Variants in MTF2 observed in about 807,000 individuals in gnomAD.
MTF2 encodes metal response element binding transcription factor 2.
In MTF2, 11 loss-of-function variants were observed where a neutral mutation model predicts 79.5. That is an observed-to-expected ratio of 0.14 (90% CI 0.09 to 0.23). The LOEUF is 0.23. Ranked by LOEUF, MTF2 falls within the 10% of genes least tolerant of loss-of-function variation. The probability of loss-of-function intolerance (pLI) is 1.00; values close to 1 mark genes in which losing one functional copy is unlikely to be tolerated. For missense variants in MTF2, 486 were observed against 711.2 expected (o/e 0.68, Z 3.60); for synonymous variants, 208 against 232.8 (o/e 0.89, Z 0.97).
chr1:93,099,521 T>C (rs2101038703), intron 1 of MTF2, among the ~76,000 whole-genome samples: 1 of 152,264 alleles, frequency 6.6e-6, no homozygotes, highest in Middle Eastern at 3.4e-3. Flanking sequence ...GGTAGAGGAA[T>C]AGTATCAAAC....
intron 9 of MTF2, chr1:93,121,742 A>G (rs1023800232): frequency 1.1e-6 from 1 of 928,408 alleles, no homozygotes; most frequent in African/African-American, 1.8e-5. Flanking sequence ...TCTGTTAAAT[A>G]CTTTTTTTTT....
intron 4 of MTF2, 31 bp downstream of exon 4, chr1:93,114,814 A>G (rs1390558469): frequency 5.3e-6 from 8 of 1,503,244 alleles, no homozygotes; most frequent in Non-Finnish European, 7.3e-6. Context: ...ATCTTGTTAC[A>G]TACTGAATGA....
chr1:93,103,383 C>T (rs1655629546), intron 1 of MTF2, among the ~76,000 whole-genome samples: 2 of 151,548 alleles, frequency 1.3e-5, no homozygotes, highest in South Asian at 4.1e-4. Context: ...GGTTGGAAAG[C>T]AGTTTAGCAG....
chr1:93,115,354 A>G (rs1656208383), intron 5 of MTF2, 116 bp from the exon 6 acceptor site: 2 of 854,498 alleles, frequency 2.3e-6, no homozygotes, highest in South Asian at 4.8e-5. Flanking sequence ...AGTTTGTGAT[A>G]TGGTAAAAGT....
At chr1:93,081,173 A>C (rs540759397) in intron 1 of MTF2, among the ~76,000 whole-genome samples, 9 of 152,344 alleles carry the variant, frequency 5.9e-5, no homozygotes, top group African/African-American at 2.2e-4. Context: ...TACAGAAATC[A>C]TCTTGTTAAG....
Position 93,115,097 on chromosome 1 carries a change from T to A in MTF2, c.483+9T>A, listed in dbSNP as rs777305254. 1.3e-6 allele frequency: 2 copies of A among 1,573,138 alleles called. No individual in the cohort carries two copies. The highest frequency in any genetic ancestry group is 1.7e-6 in the Non-Finnish European group (2 of 1,145,044). On this transcript the variant is annotated intron_variant, in intron 5 of 14. Transcript: ENST00000370298. ...TTGCAACAACAACAAAGGTATATTT[T>A]AAGTGTTTTGGGCTAAAGCTCTGAT...
intron 6 of MTF2, among the ~76,000 whole-genome samples, chr1:93,116,149 C>T (rs1312055490): frequency 6.6e-6 from 1 of 152,194 alleles, no homozygotes; most frequent in Non-Finnish European, 1.5e-5. Flanking sequence ...CACTGAACTT[C>T]TGGGCTCAAG....
chr1:93,079,673 T>A, intron 1 of MTF2, 142 bp downstream of exon 1: 1 of 1,054,590 alleles, frequency 9.5e-7, no homozygotes, highest in Non-Finnish European at 1.4e-6. Flanking sequence ...GCCTTTGCAT[T>A]TATGTGTATA....
chr1:93,110,458 TTTTGCAGTA>T (rs756846792), intron 2 of MTF2, 30 bp downstream of exon 2: 1 of 1,611,188 alleles, frequency 6.2e-7, no homozygotes, highest in East Asian at 2.2e-5. Flanking sequence ...CTTTTGCTGT[TTTTGCAGTA>T]AGCATTTAAT....
intron 1 of MTF2, among the ~76,000 whole-genome samples, chr1:93,109,992 G>T (rs1020395210): frequency 6.6e-6 from 1 of 152,154 alleles, no homozygotes; most frequent in African/African-American, 2.4e-5. Flanking sequence ...TGTTATCTTG[G>T]AGTGTTTGCT....
chr1:93,093,300 A>G, intron 1 of MTF2, among the ~76,000 whole-genome samples: 1 of 152,294 alleles, frequency 6.6e-6, no homozygotes, highest in Middle Eastern at 3.4e-3. Flanking sequence ...AAATTTGCCT[A>G]GTTTTCTTTG....
At chr1:93,116,485 T>TA (rs1196291263) in intron 6 of MTF2, among the ~76,000 whole-genome samples, 3 of 150,760 alleles carry the variant, frequency 2.0e-5, no homozygotes, top group Admixed American at 1.3e-4. Flanking sequence ...TTTGAACACT[T>TA]AGAGGCCATT....
chr1:93,083,738 A>T (rs1020535517), intron 1 of MTF2, among the ~76,000 whole-genome samples: 1 of 152,112 alleles, frequency 6.6e-6, no homozygotes, highest in Non-Finnish European at 1.5e-5. Context: ...ACTGATACTT[A>T]TTATTGTCTA....
intron 1 of MTF2, among the ~76,000 whole-genome samples, chr1:93,106,512 C>T (rs1173511653): frequency 5.2e-5 from 6 of 114,562 alleles, no homozygotes; most frequent in Non-Finnish European, 8.4e-5. Context: ...GAACACTGAA[C>T]TTAAAGCCTT....
chr1:93,129,423 G>C lies in MTF2; in HGVS notation c.1135G>C (p.Ala379Pro). 2.6e-6 allele frequency: 4 copies of C among 1,561,344 alleles called. No homozygotes were observed. Among genetic ancestry groups the C allele is most frequent in the Non-Finnish European group, 3.5e-6 (4 of 1,145,866 alleles). ...TGAATTTAAAATTAAAGGCAGAAAG[G>C]CATCCAAACCTATATCTGATTCAAG... is the stretch of plus-strand genomic sequence containing the variant. ...SHEFKIKGRK[A>P]SKPISDSREV... Residue 379 changes from alanine (A) to proline (P), a missense_variant, in exon 11 of 15, where the codon GCA (alanine) becomes CCA (proline). Coordinates refer to ENST00000370298, the MANE Select transcript of MTF2 (RefSeq NM_007358.4).
chr1:93,118,773 T>G (rs1656352455), intron 7 of MTF2, among the ~76,000 whole-genome samples: 1 of 152,224 alleles, frequency 6.6e-6, no homozygotes, highest in Non-Finnish European at 1.5e-5. Flanking sequence ...AAGACACAAC[T>G]ATACTTTAGA....
chr1:93,125,893 T>C (rs1656676278), intron 9 of MTF2, among the ~76,000 whole-genome samples: 1 of 152,086 alleles, frequency 6.6e-6, no homozygotes, highest in Admixed American at 6.5e-5. Flanking sequence ...TGCCTACTTA[T>C]GGAATGGGCT....
In MTF2 at chr1:93,079,650, C is replaced by T. The variant is rs990946183; in HGVS notation, c.5+119C>T. The T allele has an allele frequency of 9.2e-6, 12 of 1,302,186 alleles. 1 individual carries two copies. The Middle Eastern group carries it at 7.3e-4, about 80-fold the overall frequency. 80.7% of individuals were successfully genotyped at this position (1,302,186 alleles called of 1,614,324 possible). Reference sequence around the variant, plus strand: ...GAGGACCAAGGTGGGGGTGGGGGCTCCTGTATGTGGGTGCCTTTGCATTTA... The same window carrying T: ...GAGGACCAAGGTGGGGGTGGGGGCTTCTGTATGTGGGTGCCTTTGCATTTA... On this transcript the variant is annotated intron_variant, in intron 1 of 14. Coordinates refer to ENST00000370298, the MANE Select transcript of MTF2 (RefSeq NM_007358.4).
chr1:93,129,401 A>G lies in MTF2; in HGVS notation c.1113A>G (p.Glu371=). Residue 371 remains glutamate, a synonymous_variant, in exon 11 of 15, where the codon GAA becomes GAG. Transcript: ENST00000370298. ...AEKEPEGTSH[E]FKIKGRKASK... ...AAGAACCTGAAGGAACATCTCATGAATTTAAAATTAAAGGCAGAAAGGCAT... is the reference window on the plus strand; with the variant it reads ...AAGAACCTGAAGGAACATCTCATGAGTTTAAAATTAAAGGCAGAAAGGCAT... 1 of 1,575,948 alleles carries G rather than the reference A, an allele frequency of 6.3e-7. No individual in the cohort carries two copies. Among genetic ancestry groups the G allele is most frequent in the Non-Finnish European group, 8.7e-7 (1 of 1,154,074 alleles).
Sources: gnomAD v4.1 joint callset for allele counts (sites outside exome capture counted in the v4.1 genomes callset) on GRCh38, gnomAD v4.1.1 for gene constraint, MANE v1.5 for transcripts, NCBI Gene and HGNC (gene_info 2026-07-23, HGNC 2026-07-21) for gene names.